Variants in KCND2 observed in about 807,000 individuals in gnomAD.
KCND2 encodes the protein A-type voltage-gated potassium channel KCND2.
Under a neutral mutation model 54.4 loss-of-function variants are expected in KCND2, and 16 were observed. That is an observed-to-expected ratio of 0.29 (90% CI 0.20 to 0.45). The LOEUF (loss-of-function observed/expected upper bound fraction) is 0.45. KCND2 is among the 20% of genes least tolerant of loss of function. The pLI is 1.00. For synonymous variants in KCND2, 317 were observed against 310.7 expected, an observed-to-expected ratio of 1.02 and a Z score of -0.21; for missense variants, 486 against 824.2, an observed-to-expected ratio of 0.59 and a Z score of 5.02.
intron 1 of KCND2, among the ~76,000 whole-genome samples, chr7:120,535,518 A>C (rs1484924212): frequency 6.6e-6 from 1 of 152,158 alleles, no homozygotes; most frequent in Non-Finnish European, 1.5e-5. Context: ...AAAGGAAAAA[A>C]TTGAAACAGA....
chr7:120,461,044 C>T (rs1802276990), intron 1 of KCND2, among the ~76,000 whole-genome samples: 1 of 152,182 alleles, frequency 6.6e-6, no homozygotes, highest in South Asian at 2.1e-4. Context: ...GTTCCACTGT[C>T]ACCCTGTACC....
chr7:120,460,142 A>G (rs1802263013), intron 1 of KCND2, among the ~76,000 whole-genome samples: 1 of 151,976 alleles, frequency 6.6e-6, no homozygotes, highest in Admixed American at 6.6e-5. Context: ...TTCCTCCATA[A>G]CTAAGCATGT....
rs1584888966 is a variant in KCND2 at position 120,700,574 on chromosome 7, A to G, written c.1116-32329A>G. 5.3e-5 allele frequency among the ~76,000 whole-genome samples: 8 copies of G among 152,356 alleles called. No individual in the cohort carries two copies. In the South Asian group the frequency reaches 1.7e-3, roughly 32 times the overall value. On this transcript the variant is annotated intron_variant, in intron 1 of 5. Coordinates refer to ENST00000331113, the MANE Select transcript of KCND2 (RefSeq NM_012281.3). ...CCATGACATAAATAATCATCAAAAC[A>G]TTATGGCCCCTTTCAACATCAAACT...
At chr7:120,455,511 T>C (rs773176444) in intron 1 of KCND2, among the ~76,000 whole-genome samples, 3 of 152,212 alleles carry the variant, frequency 2.0e-5, no homozygotes, top group Non-Finnish European at 2.9e-5. Flanking sequence ...TAAATTGTTC[T>C]ACCATAAAGA....
chr7:120,717,238 A>G (rs1462456552), intron 1 of KCND2, among the ~76,000 whole-genome samples: 2 of 152,088 alleles, frequency 1.3e-5, no homozygotes, highest in African/African-American at 4.8e-5. Flanking sequence ...ATCCTGGATC[A>G]TGAAACCATG....
intron 1 of KCND2, among the ~76,000 whole-genome samples, chr7:120,283,510 A>G (rs1272854065): frequency 1.3e-5 from 2 of 152,132 alleles, no homozygotes; most frequent in Non-Finnish European, 2.9e-5. Flanking sequence ...ATTTATATCC[A>G]ATTATTCAGG....
intron 1 of KCND2, among the ~76,000 whole-genome samples, chr7:120,468,793 T>TA (rs1345114832): frequency 1.3e-5 from 2 of 152,094 alleles, no homozygotes. Flanking sequence ...AAATGTGCAA[T>TA]AAACAGCAGA....
intron 1 of KCND2, among the ~76,000 whole-genome samples, chr7:120,532,464 T>C (rs990339144): frequency 9.2e-5 from 14 of 151,870 alleles, no homozygotes; most frequent in Non-Finnish European, 1.8e-4. Context: ...ATACCCTGGG[T>C]CTAAAATTTT....
At chr7:120,510,203 G>C (rs958655622) in intron 1 of KCND2, among the ~76,000 whole-genome samples, 1 of 152,072 alleles carries the variant, frequency 6.6e-6, no homozygotes, top group Non-Finnish European at 1.5e-5. Context: ...ACATATTCTA[G>C]CTGTCAGAGA....
At chr7:120,276,727 G>C (rs1462641962) in intron 1 of KCND2, among the ~76,000 whole-genome samples, 1 of 152,034 alleles carries the variant, frequency 6.6e-6, no homozygotes, top group Non-Finnish European at 1.5e-5. Flanking sequence ...TTTTTAGGTA[G>C]TAGAGAAAAG....
chr7:120,651,100 T>A (rs6946646), intron 1 of KCND2, among the ~76,000 whole-genome samples: 131,635 of 141,430 alleles, frequency 0.93, 62,472 homozygotes, highest in East Asian at 1. Context: ...CCATTCTCAG[T>A]TCTAAAACTC....
chr7:120,618,638 T>TA (rs1793059124), intron 1 of KCND2, among the ~76,000 whole-genome samples: 1 of 152,214 alleles, frequency 6.6e-6, no homozygotes, highest in Non-Finnish European at 1.5e-5. Context: ...TTCCTGCTCG[T>TA]GTGTATTTTC....
At chr7:120,286,697 AC>A (rs1799350452) in intron 1 of KCND2, among the ~76,000 whole-genome samples, 1 of 151,976 alleles carries the variant, frequency 6.6e-6, no homozygotes, top group Non-Finnish European at 1.5e-5. Context: ...ACCATACAAA[AC>A]ATATTTTTAG....
chr7:120,636,518 G>A (rs1793306570), intron 1 of KCND2, among the ~76,000 whole-genome samples: 1 of 151,996 alleles, frequency 6.6e-6, no homozygotes, highest in Non-Finnish European at 1.5e-5. Context: ...AGCACAGCAG[G>A]CACATGTCAA....
intron 1 of KCND2, among the ~76,000 whole-genome samples, chr7:120,553,666 C>T (rs1792128083): frequency 6.6e-6 from 1 of 152,154 alleles, no homozygotes; most frequent in East Asian, 1.9e-4. Flanking sequence ...GGAGAAACAG[C>T]TTGCATCTGT....
chr7:120,744,044 G>A (rs1218351556), intron 4 of KCND2, among the ~76,000 whole-genome samples: 1 of 152,166 alleles, frequency 6.6e-6, no homozygotes, highest in Non-Finnish European at 1.5e-5. Flanking sequence ...CGGGTCAACT[G>A]AGGTCAGGAG....
intron 1 of KCND2, among the ~76,000 whole-genome samples, chr7:120,349,037 T>C (rs905195570): frequency 6.6e-6 from 1 of 152,170 alleles, no homozygotes; most frequent in Non-Finnish European, 1.5e-5. Context: ...TTCCCAAGAA[T>C]AATTTTAGTT....
chr7:120,408,910 C>T (rs17142709), intron 1 of KCND2, among the ~76,000 whole-genome samples: 9,280 of 151,500 alleles, frequency 0.061, 867 homozygotes, highest in African/African-American at 0.21. Flanking sequence ...ATGATATGAG[C>T]GCAAAAATAC....
At chr7:120,438,924 C>T (rs914546876) in intron 1 of KCND2, among the ~76,000 whole-genome samples, 2 of 152,110 alleles carry the variant, frequency 1.3e-5, no homozygotes, top group Admixed American at 6.6e-5. Context: ...TTACTTAATT[C>T]ACAAATATTT....
Sources: gnomAD v4.1 joint callset for allele counts (sites outside exome capture counted in the v4.1 genomes callset) on GRCh38, gnomAD v4.1.1 for gene constraint, MANE v1.5 for transcripts, NCBI Gene and HGNC (gene_info 2026-07-23, HGNC 2026-07-21) for gene names.